The following TJAP1 variants were observed in gnomAD, a reference collection of about 807,000 sequenced individuals.
The protein encoded by TJAP1 is tight junction-associated protein 1.
TJAP1 carries 27 observed loss-of-function variants against 42.0 expected under a neutral mutation model. The ratio of observed to expected loss-of-function variants is 0.64; its 90% confidence interval spans 0.47 to 0.89. The LOEUF (loss-of-function observed/expected upper bound fraction) is 0.89, where lower values mean the gene tolerates loss of function less well. TJAP1 is among the 40% of genes least tolerant of loss of function. The pLI is 0.00. For synonymous variants in TJAP1, 257 were observed against 288.4 expected, an observed-to-expected ratio of 0.89 and a Z score of 1.10; for missense variants, 712 against 726.9, an observed-to-expected ratio of 0.98 and a Z score of 0.24.
intron 2 of TJAP1, among the ~76,000 whole-genome samples, chr6:43,494,096 C>T (rs1042282132): frequency 2.0e-5 from 3 of 152,180 alleles, no homozygotes; most frequent in Non-Finnish European, 4.4e-5. Flanking sequence ...CTGAAGGCAG[C>T]TAATCATGCC....
Position 43,505,988 on chromosome 6 carries a change from A to G in TJAP1, c.*133A>G. ...ACCCGCACAGCTGTTTCCTGTGTGG[A>G]TGGGGTCAGGTTGTGGGCCATGCCA... On this transcript the variant is annotated 3_prime_UTR_variant, in exon 11 of 11. Coordinates refer to ENST00000372449, the Ensembl canonical transcript of TJAP1. This position sits in a 1 kb window ranked among gnomAD's most constrained non-coding sequence, Gnocchi z 5.5. The G allele has an allele frequency of 2.0e-6, 2 of 1,007,704 alleles. No individual in the cohort carries two copies. Among genetic ancestry groups the G allele is most frequent in the South Asian group, 3.4e-5 (1 of 29,512 alleles). 62.4% of individuals were successfully genotyped at this position (1,007,704 alleles called of 1,614,324 possible).
chr6:43,502,161 A>T, intron 6 of TJAP1, 122 bp from the exon 7 acceptor site: 1 of 873,458 alleles, frequency 1.1e-6, no homozygotes, highest in East Asian at 2.6e-5. Flanking sequence ...TCTAATTCCT[A>T]TTAGAAAACT....
intron 10 of TJAP1, chr6:43,504,073 A>G: frequency 2.4e-6 from 1 of 414,812 alleles, no homozygotes. Flanking sequence ...TTCAGGCCCA[A>G]GGTTTATGTG....
intron 2 of TJAP1, among the ~76,000 whole-genome samples, chr6:43,481,023 G>T (rs1345818574): frequency 6.6e-6 from 1 of 152,040 alleles, no homozygotes; most frequent in East Asian, 1.9e-4. Context: ...TTAAATATGC[G>T]TAGTGGCAAT....
At chr6:43,488,339 T>A (rs1280348967) in intron 2 of TJAP1, among the ~76,000 whole-genome samples, 1 of 152,240 alleles carries the variant, frequency 6.6e-6, no homozygotes, top group East Asian at 1.9e-4. Context: ...AGTGAGTTCC[T>A]CTGGGGCTGG....
At chr6:43,481,767 GT>G (rs1356802063) in intron 2 of TJAP1, among the ~76,000 whole-genome samples, 1 of 152,082 alleles carries the variant, frequency 6.6e-6, no homozygotes, top group Non-Finnish European at 1.5e-5. Flanking sequence ...TGTGCCCAAG[GT>G]TTCATTGACT....
chr6:43,502,960 C>A, intron 8 of TJAP1: 1 of 485,426 alleles, frequency 2.1e-6, no homozygotes, highest in Non-Finnish European at 3.7e-6. Flanking sequence ...TTTGAGCCTG[C>A]AGCTTGCTCC....
At chr6:43,498,903 C>A in intron 3 of TJAP1, 75 bp from the exon 4 acceptor site, 2 of 1,497,178 alleles carry the variant, frequency 1.3e-6, no homozygotes, top group Non-Finnish European at 1.8e-6. Flanking sequence ...TCCCCTTTCA[C>A]CATCTTTGTT....
At chr6:43,501,653 G>A (rs763714662) in exon 6 of TJAP1, 11 of 1,497,768 alleles carry the variant, frequency 7.3e-6, no homozygotes, top group South Asian at 2.3e-5. Context: ...CCAGAGCCGC[G>A]AGGAGCTGGA....
At chr6:43,502,687 G>A (rs1214487515) in intron 8 of TJAP1, 70 bp downstream of exon 8, 10 of 1,518,594 alleles carry the variant, frequency 6.6e-6, no homozygotes, top group Non-Finnish European at 9.0e-6. Context: ...GGGATTGTGG[G>A]CCCTGGCTGT....
intron 10 of TJAP1, 176 bp downstream of exon 10, chr6:43,503,882 G>A (rs1253292878): frequency 1.4e-6 from 1 of 721,338 alleles, no homozygotes. Context: ...CCCGTGTACT[G>A]TCCAGGGCCC....
In TJAP1 at chr6:43,495,913, A is replaced by G. The variant is rs1010400150; in HGVS notation, c.-121-1968A>G. On this transcript the variant is annotated intron_variant, in intron 2 of 10. Coordinates refer to ENST00000372449, the Ensembl canonical transcript of TJAP1. The surrounding 1 kb of genome is among the most constrained non-coding windows in gnomAD (Gnocchi z 4.6). ...AGCCTTCCCTACAGGATTGCTGGAC[A>G]CCCAAGTGCGTTTGTGTCCTCCCTG... 6.6e-6 allele frequency among the ~76,000 whole-genome samples: 1 copy of G among 152,050 alleles called. No homozygotes were observed. The highest frequency in any genetic ancestry group is 1.5e-5 in the Non-Finnish European group (1 of 67,994).
At chr6:43,497,146 G>A (rs981983935) in intron 2 of TJAP1, 3 of 152,174 alleles carry the variant, frequency 2.0e-5, no homozygotes, top group Admixed American at 1.3e-4. Context: ...TATGGTTGTG[G>A]GATGACCAAA....
intron 8 of TJAP1, 73 bp from the exon 9 acceptor site, chr6:43,503,328 G>C (rs918376446): frequency 5.0e-6 from 6 of 1,197,126 alleles, no homozygotes; most frequent in Non-Finnish European, 7.4e-6. Context: ...GTGTCTCCAG[G>C]ATGGGAGGAG....
At chr6:43,503,099 C>A (rs1791346658) in intron 8 of TJAP1, 3 of 482,514 alleles carry the variant, frequency 6.2e-6, no homozygotes, top group Admixed American at 7.1e-5. Flanking sequence ...CGTTGAGGTA[C>A]CAGCTGCCTT....
chr6:43,493,554 G>A (rs1788290301), intron 2 of TJAP1, among the ~76,000 whole-genome samples: 2 of 152,194 alleles, frequency 1.3e-5, no homozygotes, highest in South Asian at 2.1e-4. Context: ...CTCCTGGGCT[G>A]GTGTTGAAGG....
In TJAP1 at chr6:43,505,620, C is replaced by T; in HGVS notation, c.1439C>T (p.Pro480Leu). The T allele has an allele frequency of 6.2e-7, 1 of 1,613,428 alleles. No homozygotes were observed. Residue 480 changes from proline to leucine, a missense_variant, in exon 11 of 11, where the codon CCC becomes CTC. Pro to Leu is a moderately conservative substitution (Grantham distance 98, BLOSUM62 -3). This residue lies in a region of TJAP1 where 549 missense variants were observed against 528.2 expected (regional missense o/e 1.04). Coordinates refer to ENST00000372449, the Ensembl canonical transcript of TJAP1. The surrounding 1 kb of genome is among the most constrained non-coding windows in gnomAD (Gnocchi z 5.5). Reference sequence around the variant, plus strand: ...CCCACAGAACCTGACTCTGGCTTTCCCAGGGAGGAAGAAGAGCTGAACCTG... The same window carrying T: ...CCCACAGAACCTGACTCTGGCTTTCTCAGGGAGGAAGAAGAGCTGAACCTG...
At chr6:43,494,542 C>T (rs545103784) in intron 2 of TJAP1, among the ~76,000 whole-genome samples, 1 of 147,264 alleles carries the variant, frequency 6.8e-6, no homozygotes, top group South Asian at 2.2e-4. Flanking sequence ...ACAGACCCAG[C>T]ACGTTATCTG....
chr6:43,502,187 G>T, intron 6 of TJAP1, 96 bp from the exon 7 acceptor site: 1 of 1,273,598 alleles, frequency 7.9e-7, no homozygotes, highest in Non-Finnish European at 1.1e-6. Flanking sequence ...TCTTGAGGGA[G>T]AATGACATGT....
Sources: allele counts gnomAD v4.1 joint callset (sites outside exome capture counted in the v4.1 genomes callset), GRCh38; gene constraint gnomAD v4.1.1; regional missense constraint gnomAD v4.1.1; non-coding constraint Gnocchi (gnomAD v3.1); transcripts MANE v1.5; gene names NCBI Gene and HGNC (gene_info 2026-07-23, HGNC 2026-07-21).